The following WDPCP variants were observed in gnomAD, a reference collection of about 807,000 sequenced individuals.
The protein encoded by WDPCP is WD repeat-containing and planar cell polarity effector protein fritz homolog.
In WDPCP, 71 loss-of-function variants were observed where a neutral mutation model predicts 93.1. The observed-to-expected ratio is 0.76, with a 90% CI of 0.63 to 0.93. The LOEUF is 0.93. Ranked by LOEUF, WDPCP falls within the 40% of genes least tolerant of loss-of-function variation. WDPCP has a pLI of 0.00. For synonymous variants in WDPCP, 315 were observed against 315.0 expected, an observed-to-expected ratio of 1.00 and a Z score of 0.00; for missense variants, 844 against 887.4, an observed-to-expected ratio of 0.95 and a Z score of 0.62.
intron 2 of WDPCP, among the ~76,000 whole-genome samples, chr2:63,813,104 C>T (rs1188261996): frequency 2.0e-5 from 3 of 152,142 alleles, no homozygotes; most frequent in African/African-American, 7.2e-5. Context: ...ATCCTCCCAC[C>T]TTAGCCTCCC....
intron 1 of WDPCP, among the ~76,000 whole-genome samples, chr2:63,560,513 A>C (rs1023247708): frequency 6.6e-6 from 1 of 152,210 alleles, no homozygotes; most frequent in African/African-American, 2.4e-5. Flanking sequence ...CTATTTAATA[A>C]ATGCTGTTGA....
At chr2:63,493,319 G>A (rs977242143) in intron 1 of WDPCP, among the ~76,000 whole-genome samples, 58 of 152,192 alleles carry the variant, frequency 3.8e-4, no homozygotes, top group Admixed American at 3.7e-3. Flanking sequence ...TAGTTATTAA[G>A]TACGAGCACA....
In WDPCP at chr2:63,606,096, T is replaced by C. The variant is rs563699408; in HGVS notation, n.488+44563A>G. ...TATATGTTTCTCTTAAGAATGGTAT[T>C]ATTGGCCAGGCACAGTGGCTCACGC... On this transcript the variant is annotated intron_variant and non_coding_transcript_variant, in intron 3 of 4. Coordinates refer to the WDPCP transcript ENST00000467687. 20 of 1,411,532 alleles carry C rather than the reference T, an allele frequency of 1.4e-5. No homozygotes were observed. The South Asian group carries it at 2.2e-4, about 15-fold the overall frequency. The allele number at this position is 1,411,532 out of a possible 1,614,324, so 87.4% of individuals were successfully genotyped here.
At chr2:63,605,999 C>T in intron 3 of WDPCP, 1 of 1,614,104 alleles carries the variant, frequency 6.2e-7, no homozygotes, top group Middle Eastern at 1.6e-4. Flanking sequence ...TCCTGATGAT[C>T]TGCTCTACTC....
intron 1 of WDPCP, among the ~76,000 whole-genome samples, chr2:63,502,804 A>G (rs1254986993): frequency 1.3e-5 from 2 of 152,102 alleles, no homozygotes; most frequent in East Asian, 3.8e-4. Flanking sequence ...TGGGCATAAC[A>G]TAAAAAGCTC....
chr2:63,162,792 G>A (rs988562872), intron 15 of WDPCP, among the ~76,000 whole-genome samples: 5 of 152,014 alleles, frequency 3.3e-5, no homozygotes, highest in Non-Finnish European at 7.4e-5. Context: ...TATGCAAATA[G>A]TAAATGTCAC....
chr2:63,637,632 T>C (rs1443065408), intron 3 of WDPCP, among the ~76,000 whole-genome samples: 1 of 152,076 alleles, frequency 6.6e-6, no homozygotes, highest in African/African-American at 2.4e-5. Flanking sequence ...AAGACCTGAA[T>C]GAATATTTTT....
At chr2:63,242,741 A>C (rs1429714824) in intron 14 of WDPCP, among the ~76,000 whole-genome samples, 2 of 152,164 alleles carry the variant, frequency 1.3e-5, no homozygotes, top group South Asian at 2.1e-4. Context: ...ATCACCCCAG[A>C]CTTTCTTATG....
intron 13 of WDPCP, among the ~76,000 whole-genome samples, chr2:63,278,845 A>G (rs1683284774): frequency 6.6e-6 from 1 of 152,202 alleles, no homozygotes; most frequent in South Asian, 2.1e-4. Flanking sequence ...AGATTATTCA[A>G]GGCTGCTATG....
intron 2 of WDPCP, among the ~76,000 whole-genome samples, chr2:63,715,905 A>G (rs973962180): frequency 2.0e-5 from 3 of 152,194 alleles, no homozygotes; most frequent in African/African-American, 7.2e-5. Flanking sequence ...AAGACATGGT[A>G]TAGGAATTTA....
At chr2:63,804,342 C>T (rs1558914730) in intron 2 of WDPCP, among the ~76,000 whole-genome samples, 1 of 151,616 alleles carries the variant, frequency 6.6e-6, no homozygotes, top group Non-Finnish European at 1.5e-5. Context: ...AGCTGCGCCT[C>T]CCGGGTTCAC....
At chr2:63,831,280 C>T (rs1328162573), upstream of WDPCP, among the ~76,000 whole-genome samples, 2 of 152,144 alleles carry the variant, frequency 1.3e-5, no homozygotes, top group African/African-American at 2.4e-5. Context: ...ACAGCCAGGC[C>T]TCCAAACTTA....
At chr2:63,139,216 CTTG>C (rs779151818) in intron 17 of WDPCP, among the ~76,000 whole-genome samples, 14 of 151,738 alleles carry the variant, frequency 9.2e-5, no homozygotes, top group Non-Finnish European at 1.8e-4. Flanking sequence ...TCTTTATCCA[CTTG>C]TTGATGATGG....
chr2:63,144,135 TTTC>T (rs892248373), intron 17 of WDPCP, among the ~76,000 whole-genome samples: 27 of 152,148 alleles, frequency 1.8e-4, no homozygotes, highest in Admixed American at 1.4e-3. Flanking sequence ...TTCTTCATAT[TTTC>T]TTCTTCTTTT....
At chr2:63,512,384 T>C (rs1467450145) in intron 1 of WDPCP, among the ~76,000 whole-genome samples, 1 of 152,192 alleles carries the variant, frequency 6.6e-6, no homozygotes, top group Middle Eastern at 3.2e-3. Context: ...AGCAATCCCA[T>C]TACTGGATAT....
chr2:63,697,259 G>T (rs890562169), intron 2 of WDPCP, among the ~76,000 whole-genome samples: 18 of 152,168 alleles, frequency 1.2e-4, no homozygotes, highest in Admixed American at 1.0e-3. Flanking sequence ...ATTTTGTGAA[G>T]TAGGAGCCAT....
chr2:63,809,056 C>A (rs148430063), intron 2 of WDPCP, among the ~76,000 whole-genome samples: 1 of 150,940 alleles, frequency 6.6e-6, no homozygotes, highest in Admixed American at 6.6e-5. Flanking sequence ...AGGTGAGGAG[C>A]GTCTCTGACC....
At chr2:63,443,424 G>A (rs1035032037) in intron 6 of WDPCP, among the ~76,000 whole-genome samples, 2 of 152,164 alleles carry the variant, frequency 1.3e-5, no homozygotes, top group African/African-American at 4.8e-5. Flanking sequence ...ATAAATATCT[G>A]GAGAAAAGGA....
At chr2:63,528,871 G>A (rs1703581095) in intron 1 of WDPCP, among the ~76,000 whole-genome samples, 1 of 152,150 alleles carries the variant, frequency 6.6e-6, no homozygotes, top group South Asian at 2.1e-4. Context: ...CCATTTGTTT[G>A]TGTCTTCTTT....
Sources: gnomAD v4.1 joint callset for allele counts (sites outside exome capture counted in the v4.1 genomes callset) on GRCh38, gnomAD v4.1.1 for gene constraint, MANE v1.5 for transcripts, NCBI Gene and HGNC (gene_info 2026-07-23, HGNC 2026-07-21) for gene names.